KLHL13: variants seen among roughly 807,000 people sequenced by gnomAD.
KLHL13 encodes kelch-like protein 13.
In KLHL13, 10 loss-of-function variants were observed where a neutral mutation model predicts 37.1. That is an observed-to-expected ratio of 0.27 (90% confidence interval 0.17 to 0.46). KLHL13 has a LOEUF of 0.46. Among genes scored for constraint, KLHL13 ranks in the 20% least tolerant of loss-of-function variants. The probability of loss-of-function intolerance (pLI) is 1.00; values close to 1 mark genes in which losing one functional copy is unlikely to be tolerated. For missense variants in KLHL13, 360 were observed against 509.3 expected (o/e 0.71, Z 2.82); for synonymous variants, 163 against 181.2 (o/e 0.90, Z 0.81).
chrX:117,927,720 C>A (rs1465913338), intron 2 of KLHL13, among the ~76,000 whole-genome samples: 1 of 111,890 alleles, frequency 8.9e-6, no homozygotes, highest in Non-Finnish European at 1.9e-5. Context: ...GTAAAAGAAA[C>A]CAGCCCCAAA....
chrX:118,109,830 G>GA lies in KLHL13; in HGVS notation c.-56+6677dup, dbSNP rs759825824. ...AGTTTTCAACTGCAAGAAAACTGCA[G>GA]AAAAAATCCTTTGAGACATGTAATT... On this transcript the variant is annotated intron_variant, in intron 1 of 6. Transcript: ENST00000371882. 3.4e-3 allele frequency among the ~76,000 whole-genome samples: 379 copies of GA among 111,349 alleles called. 2 individuals are homozygous for GA. The highest frequency in any genetic ancestry group is 0.012 in the African/African-American group (357 of 30,625).
At chrX:118,006,671 G>C in intron 1 of KLHL13, among the ~76,000 whole-genome samples, 1 of 111,563 alleles carries the variant, frequency 9.0e-6, no homozygotes. Context: ...AGTGATTCAA[G>C]CATATTATCT....
At chrX:118,025,484 T>C (rs2054265314) in intron 1 of KLHL13, among the ~76,000 whole-genome samples, 1 of 111,572 alleles carries the variant, frequency 9.0e-6, no homozygotes, top group Admixed American at 9.6e-5. Flanking sequence ...AGTAGCCAGT[T>C]CAGTTAGTAG....
At chrX:118,096,415 T>G (rs1051288337) in intron 1 of KLHL13, among the ~76,000 whole-genome samples, 10 of 111,419 alleles carry the variant, frequency 9.0e-5, no homozygotes, top group African/African-American at 3.3e-4. Context: ...AATAACAGGC[T>G]CTGAAATTGA....
chrX:117,915,585 T>C (rs1268627122), intron 4 of KLHL13, among the ~76,000 whole-genome samples: 3 of 112,319 alleles, frequency 2.7e-5, no homozygotes, highest in Non-Finnish European at 5.6e-5. Context: ...CCCAATGACA[T>C]ATCTCATTCT....
Position 118,030,557 on chromosome X carries a change from G to C in KLHL13, c.-55-84982C>G, listed in dbSNP as rs2054325652. Among the ~76,000 whole-genome samples, 3 of 112,028 alleles carry C rather than the reference G, an allele frequency of 2.7e-5. No individual in the cohort carries two copies. In the South Asian group the frequency reaches 1.1e-3, roughly 42 times the overall value. On this transcript the variant is annotated intron_variant, in intron 1 of 6. Coordinates refer to the KLHL13 transcript ENST00000371882. ...ATGGTTTGAATGTGCCCCCAAAAAAGAATGTGTTGGAAACTTGACCTCAAT... is the reference window on the plus strand; with the variant it reads ...ATGGTTTGAATGTGCCCCCAAAAAACAATGTGTTGGAAACTTGACCTCAAT...
intron 1 of KLHL13, among the ~76,000 whole-genome samples, chrX:118,032,926 G>C (rs1490208705): frequency 8.9e-6 from 1 of 111,784 alleles, no homozygotes; most frequent in African/African-American, 3.3e-5. Context: ...ACCAAGGCTT[G>C]AGAACTACGT....
At chrX:117,936,217 A>G (rs1481385567) in intron 2 of KLHL13, among the ~76,000 whole-genome samples, 2 of 111,862 alleles carry the variant, frequency 1.8e-5, no homozygotes, top group Admixed American at 9.5e-5. Flanking sequence ...ACCAATCACT[A>G]CTTAAGCTAA....
chrX:118,035,818 C>T (rs1445194301), intron 1 of KLHL13, among the ~76,000 whole-genome samples: 14 of 101,396 alleles, frequency 1.4e-4, no homozygotes, highest in African/African-American at 2.0e-4. Context: ...TGTTTGCAGA[C>T]GACATGATTG....
intron 1 of KLHL13, among the ~76,000 whole-genome samples, chrX:117,958,115 T>C (rs2053232943): frequency 9.0e-6 from 1 of 111,131 alleles, no homozygotes; most frequent in Non-Finnish European, 1.9e-5. Flanking sequence ...CAGTCATAAC[T>C]TATTCTCTAA....
chrX:117,913,703 C>T (rs1180048449), intron 4 of KLHL13, among the ~76,000 whole-genome samples: 7 of 110,604 alleles, frequency 6.3e-5, no homozygotes, highest in South Asian at 3.9e-4. Flanking sequence ...ATTAGCCGGA[C>T]GTGGTGGCAC....
At chrX:117,923,566 T>G (rs1349571171) in intron 2 of KLHL13, among the ~76,000 whole-genome samples, 1 of 112,609 alleles carries the variant, frequency 8.9e-6, no homozygotes, top group African/African-American at 3.2e-5. Context: ...GCTTATTTGC[T>G]AGCCTCCTGC....
At chrX:117,994,531 C>A (rs888290503) in intron 1 of KLHL13, among the ~76,000 whole-genome samples, 13 of 111,710 alleles carry the variant, frequency 1.2e-4, no homozygotes, top group Non-Finnish European at 2.4e-4. Flanking sequence ...GGATTACAGG[C>A]ATGAGCCACT....
chrX:118,078,139 T>A (rs1439944819), intron 1 of KLHL13, among the ~76,000 whole-genome samples: 1 of 111,920 alleles, frequency 8.9e-6, no homozygotes, highest in Non-Finnish European at 1.9e-5. Context: ...CAGAAGGGGC[T>A]CCTTATAGTT....
At chrX:117,968,004 T>C (rs2053465154) in intron 1 of KLHL13, among the ~76,000 whole-genome samples, 1 of 111,760 alleles carries the variant, frequency 8.9e-6, no homozygotes, top group East Asian at 2.8e-4. Flanking sequence ...AGGAAGAGAA[T>C]TGTCTTCTAT....
chrX:118,036,123 G>A (rs1170807946), intron 1 of KLHL13, among the ~76,000 whole-genome samples: 9 of 101,896 alleles, frequency 8.8e-5, no homozygotes, highest in Admixed American at 4.2e-4. Context: ...AACATTCCAT[G>A]CTCATGGGTA....
At chrX:117,908,217 T>C (rs933547275) in intron 5 of KLHL13, among the ~76,000 whole-genome samples, 3 of 108,775 alleles carry the variant, frequency 2.8e-5, no homozygotes, top group Admixed American at 1.0e-4. Flanking sequence ...TCTTTCTGTC[T>C]TTTTTGTATT....
At chrX:117,987,549 C>G (rs186374051) in intron 1 of KLHL13, among the ~76,000 whole-genome samples, 6 of 111,664 alleles carry the variant, frequency 5.4e-5, no homozygotes, top group Admixed American at 2.9e-4. Context: ...CCAGTAAGTA[C>G]GCAAGCTTTC....
At chrX:118,058,454 T>C (rs926057936) in intron 1 of KLHL13, among the ~76,000 whole-genome samples, 5 of 111,728 alleles carry the variant, frequency 4.5e-5, no homozygotes, top group Non-Finnish European at 9.4e-5. Flanking sequence ...GCTTTCATAG[T>C]TCTCCACTCT....
Sources: allele counts gnomAD v4.1 joint callset (sites outside exome capture counted in the v4.1 genomes callset), GRCh38; gene constraint gnomAD v4.1.1; transcripts MANE v1.5; gene names NCBI Gene and HGNC (gene_info 2026-07-23, HGNC 2026-07-21).